Variants in TMEM178A observed in about 807,000 individuals in gnomAD.
TMEM178A encodes the protein transmembrane protein 178.
TMEM178A carries 12 observed loss-of-function variants against 29.1 expected under a neutral mutation model. That is an observed-to-expected ratio of 0.41 (90% CI 0.26 to 0.67). The LOEUF (loss-of-function observed/expected upper bound fraction) is 0.67, where lower values mean the gene tolerates loss of function less well. TMEM178A is among the 30% of genes least tolerant of loss of function. TMEM178A has a pLI of 0.29. For missense variants in TMEM178A, 366 were observed against 419.1 expected, an observed-to-expected ratio of 0.87 and a Z score of 1.11; for synonymous variants, 210 against 187.2, an observed-to-expected ratio of 1.12 and a Z score of -0.99.
intron 1 of TMEM178A, among the ~76,000 whole-genome samples, chr2:39,686,963 ATGTGTGTGTGTG>A (rs4015737): frequency 0.057 from 6,871 of 120,218 alleles, 375 homozygotes; most frequent in Admixed American, 0.13. Context: ...GCACATATGC[ATGTGTGTGTGTG>A]TGTGTGTGTG....
At chr2:39,722,962 T>A (rs116958100), downstream of TMEM178A, among the ~76,000 whole-genome samples, 342 of 152,246 alleles carry the variant, frequency 2.2e-3, 4 homozygotes, top group African/African-American at 7.2e-3. Context: ...TGAAGTGGCA[T>A]CCTCTGGGGA....
In TMEM178A at chr2:39,670,187, G is replaced by T. The variant is rs573963004; in HGVS notation, c.400+3813G>T. Among the ~76,000 whole-genome samples, 6 of 152,290 alleles carry T rather than the reference G, an allele frequency of 3.9e-5. No individual in the cohort carries two copies. In the South Asian group the frequency reaches 8.3e-4, roughly 21 times the overall value. ...CCTCTGTGGCACTGGGAATGTGGGGGGCGGGGTCTGAAAGAAGTCTTTAGG... is the reference window on the plus strand; with the variant it reads ...CCTCTGTGGCACTGGGAATGTGGGGTGCGGGGTCTGAAAGAAGTCTTTAGG... On this transcript the variant is annotated intron_variant, in intron 1 of 3. Transcript: ENST00000281961.
chr2:39,675,258 G>A (rs1460492440), intron 1 of TMEM178A, among the ~76,000 whole-genome samples: 1 of 152,174 alleles, frequency 6.6e-6, no homozygotes, highest in African/African-American at 2.4e-5. Flanking sequence ...GCTGAAGGAT[G>A]AGTGCTCAGT....
At chr2:39,730,371 T>C in the TMEM178A span, among the ~76,000 whole-genome samples, 6 of 152,088 alleles carry the variant, frequency 3.9e-5, no homozygotes, top group Non-Finnish European at 7.4e-5. Flanking sequence ...CAACTGGTGG[T>C]TTTCCCCTTG....
At chr2:39,701,380 C>T (rs1671774939) in intron 1 of TMEM178A, among the ~76,000 whole-genome samples, 1 of 152,068 alleles carries the variant, frequency 6.6e-6, no homozygotes, top group African/African-American at 2.4e-5. Flanking sequence ...CTATTCCGTT[C>T]TGGCCTCCAT....
Position 39,676,633 on chromosome 2 carries a change from A to G in TMEM178A, c.400+10259A>G, listed in dbSNP as rs564477347. On this transcript the variant is annotated intron_variant, in intron 1 of 3. Transcript: ENST00000281961. ...AAGCTTCAGCCCTGGGGCTGGAGAA[A>G]GGGCCCAGGCTCCCCAGGAAGCACT... Among the ~76,000 whole-genome samples the G allele has an allele frequency of 9.8e-5, 15 of 152,296 alleles. No individual in the cohort carries two copies. The South Asian group carries it at 2.5e-3, about 25-fold the overall frequency.
At chr2:39,669,139 G>T (rs1553342960) in intron 1 of TMEM178A, among the ~76,000 whole-genome samples, 5 of 152,154 alleles carry the variant, frequency 3.3e-5, no homozygotes, top group Non-Finnish European at 1.5e-5. Context: ...ATTCAGATGG[G>T]AGAGTGGGGA....
chr2:39,699,026 A>ATT (rs112782718), intron 1 of TMEM178A, among the ~76,000 whole-genome samples: 14 of 135,334 alleles, frequency 1.0e-4, no homozygotes, highest in African/African-American at 1.6e-4. Flanking sequence ...TTCATTCCTG[A>ATT]TTTTTTTTTT....
intron 1 of TMEM178A, among the ~76,000 whole-genome samples, chr2:39,700,128 G>A (rs954821537): frequency 3.3e-5 from 5 of 152,110 alleles, no homozygotes; most frequent in African/African-American, 1.2e-4. Context: ...GCTGTTGTTG[G>A]ATGGAGTGTT....
At chr2:39,720,367 T>C (rs1481790460), downstream of TMEM178A, among the ~76,000 whole-genome samples, 5 of 152,140 alleles carry the variant, frequency 3.3e-5, no homozygotes, top group African/African-American at 7.2e-5. Flanking sequence ...GCTCAAAATA[T>C]ACCACCTGAT....
the TMEM178A span, among the ~76,000 whole-genome samples, chr2:39,726,671 A>G: frequency 6.6e-6 from 1 of 152,188 alleles, no homozygotes; most frequent in African/African-American, 2.4e-5. Flanking sequence ...TCTATCTGGC[A>G]AAATATATGG....
chr2:39,705,595 C>A (rs1248776533), intron 2 of TMEM178A, among the ~76,000 whole-genome samples: 1 of 152,192 alleles, frequency 6.6e-6, no homozygotes, highest in Non-Finnish European at 1.5e-5. Flanking sequence ...GGCAGAAATA[C>A]TCTCTTTTAA....
chr2:39,735,844 A>T, the TMEM178A span, among the ~76,000 whole-genome samples: 1 of 152,254 alleles, frequency 6.6e-6, no homozygotes, highest in Non-Finnish European at 1.5e-5. Context: ...GCCACTGGGC[A>T]CAAATGCCAT....
chr2:39,669,793 A>C (rs1164645797), intron 1 of TMEM178A, among the ~76,000 whole-genome samples: 1 of 152,236 alleles, frequency 6.6e-6, no homozygotes, highest in Non-Finnish European at 1.5e-5. Context: ...ACATTTCACT[A>C]TCTTGTTCAC....
chr2:39,723,968 C>T, the TMEM178A span, among the ~76,000 whole-genome samples: 1 of 152,288 alleles, frequency 6.6e-6, no homozygotes, highest in South Asian at 2.1e-4. Context: ...TTTAAGCAAG[C>T]TTCTATATTT....
intron 1 of TMEM178A, among the ~76,000 whole-genome samples, chr2:39,692,388 G>A (rs563358122): frequency 1.8e-4 from 28 of 152,244 alleles, no homozygotes; most frequent in Non-Finnish European, 3.5e-4. Flanking sequence ...CTTGATTGTG[G>A]TGATTAGTTC....
chr2:39,692,488 A>G (rs538850895), intron 1 of TMEM178A, among the ~76,000 whole-genome samples: 1 of 152,188 alleles, frequency 6.6e-6, no homozygotes, highest in East Asian at 1.9e-4. Flanking sequence ...TATTATGTGT[A>G]TTTTACCACA....
intron 1 of TMEM178A, among the ~76,000 whole-genome samples, chr2:39,699,812 T>G (rs570698401): frequency 6.6e-6 from 1 of 152,306 alleles, no homozygotes; most frequent in South Asian, 2.1e-4. Context: ...AATTATTGCT[T>G]TAGCTGCATC....
At chr2:39,681,595 A>AT (rs1418887438) in intron 1 of TMEM178A, among the ~76,000 whole-genome samples, 2 of 151,782 alleles carry the variant, frequency 1.3e-5, no homozygotes, top group Non-Finnish European at 2.9e-5. Context: ...GTTTCTTAGA[A>AT]TTTTTTTTTA....
Sources: gnomAD v4.1 joint callset for allele counts (sites outside exome capture counted in the v4.1 genomes callset) on GRCh38, gnomAD v4.1.1 for gene constraint, MANE v1.5 for transcripts, NCBI Gene and HGNC (gene_info 2026-07-23, HGNC 2026-07-21) for gene names.